SUSD1: variants seen among roughly 807,000 people sequenced by gnomAD.
The protein encoded by SUSD1 is sushi domain containing 1.
A neutral mutation model predicts 86.9 loss-of-function variants in SUSD1; 65 were observed. The ratio of observed to expected loss-of-function variants is 0.75; its 90% CI spans 0.61 to 0.92. The LOEUF is 0.92. Ranked by LOEUF, SUSD1 falls within the 40% of genes least tolerant of loss-of-function variation. The pLI is 0.00. For synonymous variants in SUSD1, 346 were observed against 350.0 expected (o/e 0.99, Z 0.13); for missense variants, 850 against 929.7 (o/e 0.91, Z 1.11).
chr9:112,152,569 ATTT>A (rs57257840), intron 2 of SUSD1, among the ~76,000 whole-genome samples: 1,900 of 122,622 alleles, frequency 0.015, 44 homozygotes, highest in African/African-American at 0.055. Flanking sequence ...TGCCTGGATA[ATTT>A]TTTTTTTTTT....
At chr9:112,047,095 T>G (rs546058667) in intron 15 of SUSD1, among the ~76,000 whole-genome samples, 1 of 152,278 alleles carries the variant, frequency 6.6e-6, no homozygotes, top group East Asian at 1.9e-4. Context: ...GAGGTTTAAT[T>G]GACTCACAGT....
At chr9:112,073,464 A>ACTCTCT (rs968033191) in intron 12 of SUSD1, among the ~76,000 whole-genome samples, 2 of 148,522 alleles carry the variant, frequency 1.3e-5, no homozygotes, top group African/African-American at 5.0e-5. Flanking sequence ...TCTCACGCTC[A>ACTCTCT]CTCTCTCTCT....
rs80249498 is a variant in SUSD1, at chr9:112,096,365, C to T, written c.1474+2105G>A. Reference sequence around the variant, plus strand: ...TCAGCATTTGCCAGTCTCCTATACACCAAAGGAGTAGCATCTATTACAAAA... The same window carrying T: ...TCAGCATTTGCCAGTCTCCTATACATCAAAGGAGTAGCATCTATTACAAAA... On this transcript the variant is annotated intron_variant, in intron 10 of 16. Coordinates refer to ENST00000374270, the MANE Select transcript of SUSD1 (RefSeq NM_022486.5). Among the ~76,000 whole-genome samples the T allele has an allele frequency of 7.9e-3, 1,195 of 152,192 alleles. 14 individuals carry two copies. Among genetic ancestry groups the T allele is most frequent in the African/African-American group, 0.027 (1,130 of 41,494 alleles).
At position 112,143,530 on chromosome 9, in the gene SUSD1, T is replaced by C; in HGVS notation, c.467A>G (p.Tyr156Cys). The C allele has an allele frequency of 6.2e-7, 1 of 1,614,116 alleles. No individual in the cohort carries two copies. Among genetic ancestry groups the C allele is most frequent in the Non-Finnish European group, 8.5e-7 (1 of 1,179,996 alleles). ...AGGTTCAGGTCCATTCCTTGGCAAG[T>C]ATCCATCCATACAGTAGCATTCAAA... is the stretch of plus-strand genomic sequence containing the variant. ...GSFECYCMDG[Y>C]LPRNGPEPFH... The change falls in exon 4 of 17, where the codon TAC (tyrosine) becomes TGC (cysteine). Residue 156 changes from tyrosine (Y) to cysteine (C), a missense_variant. Coordinates refer to ENST00000374270, the MANE Select transcript of SUSD1 (RefSeq NM_022486.5).
chr9:112,084,918 T>C (rs1432119177), intron 10 of SUSD1, among the ~76,000 whole-genome samples: 3 of 152,276 alleles, frequency 2.0e-5, no homozygotes, highest in African/African-American at 7.2e-5. Flanking sequence ...CTGCTTCATT[T>C]GTATGGGCAA....
At chr9:112,047,545 G>C (rs1441846645) in intron 15 of SUSD1, among the ~76,000 whole-genome samples, 1 of 152,144 alleles carries the variant, frequency 6.6e-6, no homozygotes, top group Non-Finnish European at 1.5e-5. Context: ...TATATCCTCT[G>C]AAACTCACTT....
chr9:112,112,268 C>A (rs1831131758), intron 7 of SUSD1, among the ~76,000 whole-genome samples: 1 of 152,130 alleles, frequency 6.6e-6, no homozygotes, highest in African/African-American at 2.4e-5. Context: ...ACACAAAATG[C>A]AAAATAACGA....
chr9:112,159,620 A>G (rs1441407262), intron 1 of SUSD1, among the ~76,000 whole-genome samples: 2 of 152,230 alleles, frequency 1.3e-5, no homozygotes, highest in Non-Finnish European at 2.9e-5. Flanking sequence ...GGCATCCCCA[A>G]AAAAACATAC....
intron 6 of SUSD1, 66 bp from the exon 7 acceptor site, chr9:112,112,934 G>C (rs1211622049): frequency 1.2e-5 from 11 of 942,470 alleles, no homozygotes; most frequent in Non-Finnish European, 1.7e-5. Flanking sequence ...TTCTAAAGGA[G>C]ATCAGTCTCT....
At chr9:112,091,250 ACT>A (rs1408517891) in intron 10 of SUSD1, among the ~76,000 whole-genome samples, 3 of 152,208 alleles carry the variant, frequency 2.0e-5, no homozygotes, top group African/African-American at 4.8e-5. Flanking sequence ...AATATTTATC[ACT>A]CTGTGGAAAA....
rs144320431 is a variant in SUSD1 at position 112,052,615 on chromosome 9, C to T, written c.2110-177G>A. Reference sequence around the variant, plus strand: ...TGATATCACTAAGTGTTCAAGGGACCGGCGTGGGTTGCATGGACAGAAGTG... The same window carrying T: ...TGATATCACTAAGTGTTCAAGGGACTGGCGTGGGTTGCATGGACAGAAGTG... On this transcript the variant is annotated intron_variant, in intron 14 of 16. Transcript: ENST00000374270. Among the ~76,000 whole-genome samples the T allele has an allele frequency of 3.3e-5, 5 of 152,166 alleles. No homozygotes were observed. In the East Asian group the frequency reaches 9.6e-4, roughly 29 times the overall value.
chr9:112,094,745 G>A (rs146505839), intron 10 of SUSD1, among the ~76,000 whole-genome samples: 1,996 of 152,270 alleles, frequency 0.013, 41 homozygotes, highest in African/African-American at 0.045. Flanking sequence ...AATATGACAA[G>A]GAAAAGTTTT....
chr9:112,143,219 C>T (rs1347226057), intron 4 of SUSD1, among the ~76,000 whole-genome samples: 1 of 151,852 alleles, frequency 6.6e-6, no homozygotes, highest in Non-Finnish European at 1.5e-5. Context: ...CTCCTGACCT[C>T]AAGTGATCCA....
intron 2 of SUSD1, among the ~76,000 whole-genome samples, chr9:112,156,569 G>A (rs1454584328): frequency 6.6e-6 from 1 of 152,036 alleles, no homozygotes; most frequent in African/African-American, 2.4e-5. Context: ...ACCACATGTG[G>A]CTAATTTAAA....
chr9:112,131,723 A>C (rs370043170), intron 5 of SUSD1, among the ~76,000 whole-genome samples: 1 of 152,232 alleles, frequency 6.6e-6, no homozygotes, highest in African/African-American at 2.4e-5. Flanking sequence ...AAGGAAGAAA[A>C]AATAAGCAGT....
intron 11 of SUSD1, 85 bp from the exon 12 acceptor site, chr9:112,078,809 CT>C: frequency 1.2e-6 from 1 of 829,708 alleles, no homozygotes; most frequent in Non-Finnish European, 1.7e-6. Context: ...CTTTTTCTTT[CT>C]CTTTTTTTTT....
chr9:112,154,834 C>T (rs1833223219), intron 2 of SUSD1, among the ~76,000 whole-genome samples: 1 of 152,180 alleles, frequency 6.6e-6, no homozygotes, highest in African/African-American at 2.4e-5. Context: ...TGCCTGCAAT[C>T]TATGTAAGGC....
At chr9:112,046,981 G>T (rs1343520951) in intron 15 of SUSD1, among the ~76,000 whole-genome samples, 1 of 152,166 alleles carries the variant, frequency 6.6e-6, no homozygotes, top group Non-Finnish European at 1.5e-5. Context: ...TCTGTGGGTG[G>T]TAAGTTCAGG....
chr9:112,094,750 A>C (rs1830327984), intron 10 of SUSD1, among the ~76,000 whole-genome samples: 1 of 152,228 alleles, frequency 6.6e-6, no homozygotes, highest in Admixed American at 6.5e-5. Flanking sequence ...GACAAGGAAA[A>C]GTTTTAAATA....
Sources: gnomAD v4.1 joint callset for allele counts (sites outside exome capture counted in the v4.1 genomes callset) on GRCh38, gnomAD v4.1.1 for gene constraint, MANE v1.5 for transcripts, NCBI Gene and HGNC (gene_info 2026-07-23, HGNC 2026-07-21) for gene names.